The following CPA6 variants were observed in gnomAD, a reference collection of about 807,000 sequenced individuals.
CPA6 encodes carboxypeptidase A6.
In CPA6, 58 loss-of-function variants were observed where a neutral mutation model predicts 63.3. The ratio of observed to expected loss-of-function variants is 0.92; its 90% CI spans 0.74 to 1.14. The LOEUF (loss-of-function observed/expected upper bound fraction) is 1.14, where lower values mean the gene tolerates loss of function less well. CPA6 is among the 50% of genes most tolerant of loss of function. The pLI is 0.00. For missense variants in CPA6, 565 were observed against 526.6 expected (o/e 1.07, Z -0.71); for synonymous variants, 185 against 179.0 (o/e 1.03, Z -0.27).
At chr8:67,717,899 G>T (rs1040286461) in intron 1 of CPA6, among the ~76,000 whole-genome samples, 5 of 152,134 alleles carry the variant, frequency 3.3e-5, no homozygotes, top group African/African-American at 1.2e-4. Context: ...GGGCCTGATT[G>T]TCCCTGAGAG....
intron 2 of CPA6, among the ~76,000 whole-genome samples, chr8:67,556,991 T>C (rs1050018792): frequency 6.6e-6 from 1 of 152,198 alleles, no homozygotes; most frequent in African/African-American, 2.4e-5. Flanking sequence ...CTTGCCATGG[T>C]TGGGGGAGAC....
intron 6 of CPA6, 114 bp downstream of exon 6, chr8:67,506,673 A>G: frequency 1.4e-6 from 1 of 694,760 alleles, no homozygotes; most frequent in African/African-American, 1.8e-5. Flanking sequence ...TCAAGGTGTT[A>G]CTGTTATTCA....
chr8:67,684,018 T>C (rs1425906979), intron 1 of CPA6, among the ~76,000 whole-genome samples: 1 of 145,078 alleles, frequency 6.9e-6, no homozygotes, highest in Non-Finnish European at 1.5e-5. Context: ...TATATATATA[T>C]ATATATATAT....
intron 2 of CPA6, among the ~76,000 whole-genome samples, chr8:67,549,023 A>G (rs560531608): frequency 6.6e-6 from 1 of 152,328 alleles, no homozygotes; most frequent in Admixed American, 6.5e-5. Flanking sequence ...AAAAAATTGC[A>G]TGGTGTTTAG....
At chr8:67,738,075 A>T (rs1817847639) in intron 1 of CPA6, among the ~76,000 whole-genome samples, 1 of 152,092 alleles carries the variant, frequency 6.6e-6, no homozygotes, top group Non-Finnish European at 1.5e-5. Context: ...CTAAACATCC[A>T]TTTGGAGATA....
chr8:67,611,920 C>T (rs1252573046), intron 2 of CPA6, among the ~76,000 whole-genome samples: 1 of 152,246 alleles, frequency 6.6e-6, no homozygotes, highest in Non-Finnish European at 1.5e-5. Context: ...TTCTTATTCC[C>T]TTCCTTGGAC....
chr8:67,474,343 T>A (rs929635117), intron 8 of CPA6, among the ~76,000 whole-genome samples: 1 of 152,122 alleles, frequency 6.6e-6, no homozygotes, highest in Non-Finnish European at 1.5e-5. Flanking sequence ...TGCCTTAGCC[T>A]CCTGAATAGC....
chr8:67,662,603 T>TAC (rs1317340178), intron 1 of CPA6, among the ~76,000 whole-genome samples: 1 of 150,344 alleles, frequency 6.7e-6, no homozygotes, highest in Non-Finnish European at 1.5e-5. Flanking sequence ...ATAGAATACA[T>TAC]ACACACGTAT....
chr8:67,624,288 C>CTTATCACTTTATCACTACAAGATAA, intron 1 of CPA6, 37 bp from the exon 2 acceptor site: 2 of 1,185,662 alleles, frequency 1.7e-6, no homozygotes, highest in Non-Finnish European at 2.5e-6. Flanking sequence ...AATTACTTTT[C>CTTATCACTTTATCACTACAAGATAA]GAAAATAAAG....
chr8:67,533,089 G>A (rs996968990), intron 2 of CPA6, among the ~76,000 whole-genome samples: 2 of 152,092 alleles, frequency 1.3e-5, no homozygotes, highest in Non-Finnish European at 2.9e-5. Context: ...ATCGTCCTTT[G>A]TTACTCTTGT....
At chr8:67,473,838 C>A (rs372950007) in intron 8 of CPA6, among the ~76,000 whole-genome samples, 33 of 152,018 alleles carry the variant, frequency 2.2e-4, no homozygotes, top group African/African-American at 8.0e-4. Flanking sequence ...AAATCCCGGG[C>A]TCAGGTGATC....
chr8:67,681,195 A>ATTTTTTTTTTTTT (rs1554533441), intron 1 of CPA6, among the ~76,000 whole-genome samples: 10 of 97,134 alleles, frequency 1.0e-4, no homozygotes, highest in African/African-American at 2.4e-4. Flanking sequence ...GGTCACAAAG[A>ATTTTTTTTTTTTT]TTTTCTTTTT....
intron 2 of CPA6, among the ~76,000 whole-genome samples, chr8:67,604,471 G>A (rs557395046): frequency 3.3e-5 from 5 of 152,138 alleles, no homozygotes; most frequent in Admixed American, 6.5e-5. Context: ...ATTACATTGC[G>A]TCCCTTACCT....
chr8:67,589,894 AT>A, intron 2 of CPA6, among the ~76,000 whole-genome samples: 1 of 151,398 alleles, frequency 6.6e-6, no homozygotes, highest in South Asian at 2.1e-4. Context: ...TATTATTATT[AT>A]TATTATATTA....
intron 8 of CPA6, among the ~76,000 whole-genome samples, chr8:67,451,558 A>C (rs1215511912): frequency 6.6e-6 from 1 of 152,160 alleles, no homozygotes; most frequent in Non-Finnish European, 1.5e-5. Context: ...GTGCACAATA[A>C]ATGTAATGTG....
intron 1 of CPA6, among the ~76,000 whole-genome samples, chr8:67,689,982 A>G (rs1262245620): frequency 6.6e-6 from 1 of 152,136 alleles, no homozygotes; most frequent in Admixed American, 6.5e-5. Flanking sequence ...CTGATGTGAG[A>G]TGGTATCCTC....
chr8:67,576,788 G>T (rs962630210), intron 2 of CPA6, among the ~76,000 whole-genome samples: 1 of 151,936 alleles, frequency 6.6e-6, no homozygotes. Flanking sequence ...ACATAAAGCC[G>T]CTGAGTTGTG....
intron 1 of CPA6, among the ~76,000 whole-genome samples, chr8:67,635,110 A>T (rs1815437555): frequency 6.6e-6 from 1 of 151,150 alleles, no homozygotes; most frequent in African/African-American, 2.5e-5. Context: ...CTGTTCTCTA[A>T]CTCCTGCACT....
At chr8:67,575,303 C>T (rs1484933466) in intron 2 of CPA6, among the ~76,000 whole-genome samples, 1 of 152,160 alleles carries the variant, frequency 6.6e-6, no homozygotes, top group East Asian at 1.9e-4. Flanking sequence ...TAAATTAGTA[C>T]AGCCATTATG....
Sources: gnomAD v4.1 joint callset for allele counts (sites outside exome capture counted in the v4.1 genomes callset) on GRCh38, gnomAD v4.1.1 for gene constraint, MANE v1.5 for transcripts, NCBI Gene and HGNC (gene_info 2026-07-23, HGNC 2026-07-21) for gene names.